NEUROG1: variants seen among roughly 807,000 people sequenced by gnomAD.
NEUROG1 encodes neurogenin 1, also known as neurogenin-1.
NEUROG1 carries 5 observed loss-of-function variants against 5.7 expected under a neutral mutation model. That is an observed-to-expected ratio of 0.88 (90% confidence interval 0.46 to 1.85). The LOEUF (loss-of-function observed/expected upper bound fraction) is 1.85. Ranked by LOEUF, NEUROG1 falls within the 40% of genes most tolerant of loss-of-function variation. NEUROG1 has a pLI of 0.01. For missense variants in NEUROG1, 403 were observed against 345.7 expected, an observed-to-expected ratio of 1.17 and a Z score of -1.32; for synonymous variants, 196 against 157.4, an observed-to-expected ratio of 1.25 and a Z score of -1.84.
chr5:135,535,309 G>C lies in NEUROG1; in HGVS notation c.382C>G (p.Leu128Val), dbSNP rs1182445680. ...VLPSFPDDTKLTKIETLRFAY... is the reference protein window; with the variant it reads ...VLPSFPDDTKVTKIETLRFAY... ...AAGCGCAGCGTCTCGATTTTGGTGA[G>C]CTTGGTGTCGTCGGGGAACGAGGGC... The change falls in exon 1 of 1, where the codon CTC becomes GTC. Residue 128 changes from leucine to valine, a missense_variant. By Grantham distance (32) the Leu-to-Val change is conservative. Coordinates refer to ENST00000314744, the MANE Select transcript of NEUROG1 (RefSeq NM_006161.3). The C allele has an allele frequency of 1.2e-6, 2 of 1,613,650 alleles. No homozygotes were observed. The highest frequency in any genetic ancestry group is 1.7e-6 in the Non-Finnish European group (2 of 1,179,692).
rs542575544 is a variant in NEUROG1, at chr5:135,535,607, G to A, written c.84C>T (p.Asp28=). ...GTTGGAGTCTGGCACAGTCTTCCTCGTCGGTGAGGAAGCCGGATAGGTCAC... is the reference window on the plus strand; with the variant it reads ...GTTGGAGTCTGGCACAGTCTTCCTCATCGGTGAGGAAGCCGGATAGGTCAC... The part of the protein sequence containing the change: ...SGSDLSGFLT[D]EEDCARLQQA... The change falls in exon 1 of 1, where the codon GAC becomes GAT. Residue 28 remains aspartate, a synonymous_variant. Coordinates refer to ENST00000314744, the MANE Select transcript of NEUROG1 (RefSeq NM_006161.3). 247 of 1,595,468 alleles carry A rather than the reference G, an allele frequency of 1.5e-4. 2 individuals are homozygous for A. In the South Asian group the frequency reaches 2.5e-3, roughly 16 times the overall value.
chr5:135,535,591 T>C lies in NEUROG1; in HGVS notation c.100A>G (p.Arg34Gly), dbSNP rs1750523800. 15 of 1,592,172 alleles carry C rather than the reference T, an allele frequency of 9.4e-6. No individual in the cohort carries two copies. Among genetic ancestry groups the C allele is most frequent in the Non-Finnish European group, 1.3e-5 (15 of 1,175,394 alleles). Residue 34 changes from arginine (R) to glycine (G), a missense_variant, in exon 1 of 1, where the codon AGA becomes GGA. Physicochemically the swap from Arg to Gly is moderately radical, Grantham distance 125. Coordinates refer to ENST00000314744, the MANE Select transcript of NEUROG1 (RefSeq NM_006161.3). ...GAAGCGGAGGCTGCCTGTTGGAGTCTGGCACAGTCTTCCTCGTCGGTGAGG... is the reference window on the plus strand; with the variant it reads ...GAAGCGGAGGCTGCCTGTTGGAGTCCGGCACAGTCTTCCTCGTCGGTGAGG... ...GFLTDEEDCA[R>G]LQQAASASGP...
Position 135,535,644 on chromosome 5 carries a change from C to T in NEUROG1, c.47G>A (p.Ser16Asn), listed in dbSNP as rs769834223. 1 of 1,585,338 alleles carries T rather than the reference C, an allele frequency of 6.3e-7. No homozygotes were observed. The highest frequency in any genetic ancestry group is 1.1e-5 in the South Asian group (1 of 87,430). ...ETCISDLDCA[S>N]SSGSDLSGFL... ...GCCGGATAGGTCACTGCCGCTGCTG[C>T]TGGCGCAGTCGAGGTCGGAGATGCA... The change falls in exon 1 of 1, where the codon AGC (serine) becomes AAC (asparagine). Residue 16 changes from serine (S) to asparagine (N), a missense_variant. Physicochemically the swap from Ser to Asn is conservative, Grantham distance 46. Transcript: ENST00000314744.
rs1458523114 is a variant in NEUROG1 at position 135,535,773 on chromosome 5, G to A, written c.-83C>T. On this transcript the variant is annotated 5_prime_UTR_variant, in exon 1 of 1. Transcript: ENST00000314744. Reference sequence around the variant, plus strand: ...GGACTGAGGGCAGAGCCGCCAGGGCGCACTTACGTTCCCAACAGCCTGGGG... The same window carrying A: ...GGACTGAGGGCAGAGCCGCCAGGGCACACTTACGTTCCCAACAGCCTGGGG... 4 of 1,298,420 alleles carry A rather than the reference G, an allele frequency of 3.1e-6. No individual in the cohort carries two copies. The East Asian group carries it at 7.9e-5, about 26-fold the overall frequency. The allele number at this position is 1,298,420 out of a possible 1,614,324, so 80.4% of individuals were successfully genotyped here.
rs755236120 is a variant in NEUROG1, at chr5:135,534,983, G to T, written c.708C>A (p.Tyr236Ter). The T allele has an allele frequency of 1.2e-6, 2 of 1,613,434 alleles. No individual in the cohort carries two copies. Among genetic ancestry groups the T allele is most frequent in the Non-Finnish European group, 1.7e-6 (2 of 1,179,750 alleles). ...AACAGTGTCTACAAAGGGCCTAGTG[G>T]TAAGGAATGAAACAGGGCGTTGTGT... Reference protein sequence around the residue: ...LLHTTPCFIPYH With the variant: ...LLHTTPCFIP Residue 236 changes from tyrosine to a stop codon, truncating the protein, a stop_gained, in exon 1 of 1, where the codon TAC becomes TAA. Coordinates refer to ENST00000314744, the MANE Select transcript of NEUROG1 (RefSeq NM_006161.3). LOFTEE classifies it high-confidence loss of function.
rs779980026 is a variant in NEUROG1, at chr5:135,535,253, C to G, written c.438G>C (p.Glu146Asp). Residue 146 changes from glutamate to aspartate, a missense_variant, in exon 1 of 1, where the codon GAG becomes GAC. Transcript: ENST00000314744. ...GCCCTTGATCCGCCAGGCGCAGTGT[C>G]TCGGCCAGAGCCCAGATGTAGTTGT... ...FAYNYIWALA[E>D]TLRLADQGLP... 6.2e-7 allele frequency: 1 copy of G among 1,613,316 alleles called. No homozygotes were observed. The highest frequency in any genetic ancestry group is 8.5e-7 in the Non-Finnish European group (1 of 1,179,646).
In NEUROG1 at chr5:135,535,411, G is replaced by A; in HGVS notation, c.280C>T (p.Arg94Cys). The change falls in exon 1 of 1, where the codon CGC (arginine) becomes TGC (cysteine). Residue 94 changes from arginine (R) to cysteine (C), a missense_variant. Coordinates refer to ENST00000314744, the MANE Select transcript of NEUROG1 (RefSeq NM_006161.3). ...CGCTCGCGATCGTTGGCCTTGACGC[G>A]CCGGCTCCTGCGCAGCGAGTGCAGC... Reference protein sequence around the residue: ...ALLHSLRRSRRVKANDRERNR... With the variant: ...ALLHSLRRSRCVKANDRERNR... 2 of 1,600,964 alleles carry A rather than the reference G, an allele frequency of 1.2e-6. No homozygotes were observed. Among genetic ancestry groups the A allele is most frequent in the East Asian group, 2.3e-5 (1 of 44,234 alleles).
chr5:135,535,583 T>A lies in NEUROG1; in HGVS notation c.108A>T (p.Gln36His). ...LTDEEDCARL[Q>H]QAASASGPPA... is the part of the protein sequence containing the mutation. The stretch of plus-strand genomic sequence containing the variant: ...GCGGCCCCGAAGCGGAGGCTGCCTG[T>A]TGGAGTCTGGCACAGTCTTCCTCGT... Residue 36 changes from glutamine (Q) to histidine (H), a missense_variant, in exon 1 of 1, where the codon CAA becomes CAT. Gln to His is a conservative substitution (Grantham distance 24, BLOSUM62 0). Coordinates refer to ENST00000314744, the MANE Select transcript of NEUROG1 (RefSeq NM_006161.3). 1 of 1,590,232 alleles carries A rather than the reference T, an allele frequency of 6.3e-7. No individual in the cohort carries two copies. Among genetic ancestry groups the A allele is most frequent in the Non-Finnish European group, 8.5e-7 (1 of 1,174,606 alleles).
chr5:135,535,648 C>G lies in NEUROG1; in HGVS notation c.43G>C (p.Ala15Pro). The G allele has an allele frequency of 1.3e-6, 2 of 1,583,400 alleles. No individual in the cohort carries two copies. The highest frequency in any genetic ancestry group is 1.7e-6 in the Non-Finnish European group (2 of 1,169,814). ...LETCISDLDC[A>P]SSSGSDLSGF... Reference sequence around the variant, plus strand: ...GATAGGTCACTGCCGCTGCTGCTGGCGCAGTCGAGGTCGGAGATGCAGGTC... The same window carrying G: ...GATAGGTCACTGCCGCTGCTGCTGGGGCAGTCGAGGTCGGAGATGCAGGTC... Residue 15 changes from alanine (A) to proline (P), a missense_variant, in exon 1 of 1, where the codon GCC becomes CCC. Coordinates refer to ENST00000314744, the MANE Select transcript of NEUROG1 (RefSeq NM_006161.3).
In NEUROG1 at chr5:135,535,270, TGTA is replaced by T; in HGVS notation, c.418_420del (p.Tyr140del). On this transcript the variant is annotated inframe_deletion, in exon 1 of 1. Transcript: ENST00000314744. ...CGCAGTGTCTCGGCCAGAGCCCAGA[TGTA>T]GTTGTAGGCGAAGCGCAGCGTCTCG... The T allele has an allele frequency of 6.8e-6, 11 of 1,613,312 alleles. No individual in the cohort carries two copies. The highest frequency in any genetic ancestry group is 9.3e-6 in the Non-Finnish European group (11 of 1,179,612).
Position 135,535,830 on chromosome 5 carries a change from G to C in NEUROG1, c.-140C>G. On this transcript the variant is annotated 5_prime_UTR_variant, in exon 1 of 1. Coordinates refer to ENST00000314744, the MANE Select transcript of NEUROG1 (RefSeq NM_006161.3). ...CTCTGTGCCAGTTGCGGGTGCGAGA[G>C]CCTGGAAGGGTGCAGGGGCGCACGG... is the stretch of plus-strand genomic sequence containing the variant. The C allele has an allele frequency of 1.3e-6, 1 of 793,490 alleles. No homozygotes were observed. The highest frequency in any genetic ancestry group is 1.9e-6 in the Non-Finnish European group (1 of 526,888). The allele number at this position is 793,490 out of a possible 1,614,324, so 49.2% of individuals were successfully genotyped here. A position where few individuals can be genotyped will look rare whatever the true frequency, so the allele number is the denominator to read the frequency against.
rs1750506464 is a variant in NEUROG1, at chr5:135,535,117, C to T, written c.574G>A (p.Ala192Thr). Reference protein sequence around the residue: ...DAESWGSGAAAASPLSDPSSP... With the variant: ...DAESWGSGAATASPLSDPSSP... ...CTGGGGTCAGAGAGCGGGGAGGCGG[C>T]GGCGGCACCTGAGCCCCAGGACTCC... Residue 192 changes from alanine to threonine, a missense_variant, in exon 1 of 1, where the codon GCC (alanine) becomes ACC (threonine). Ala to Thr is a moderately conservative substitution (Grantham distance 58). Transcript: ENST00000314744. The T allele has an allele frequency of 1.2e-6, 2 of 1,609,454 alleles. No individual in the cohort carries two copies. Among genetic ancestry groups the T allele is most frequent in the African/African-American group, 1.3e-5 (1 of 74,708 alleles).
rs531365523 is a variant in NEUROG1 at position 135,535,850 on chromosome 5, G to A, written c.-160C>T. ...CGAGAGCCTGGAAGGGTGCAGGGGC[G>A]CACGGAGAACTTGGCCTGGCCTCCT... On this transcript the variant is annotated 5_prime_UTR_variant, in exon 1 of 1. Coordinates refer to ENST00000314744, the MANE Select transcript of NEUROG1 (RefSeq NM_006161.3). The A allele has an allele frequency of 1.6e-6, 1 of 631,344 alleles. No individual in the cohort carries two copies. Among genetic ancestry groups the A allele is most frequent in the Non-Finnish European group, 2.5e-6 (1 of 397,638 alleles). 39.1% of individuals were successfully genotyped at this position (631,344 alleles called of 1,614,324 possible).
rs759309294 is a variant in NEUROG1, at chr5:135,534,931, G to A, written c.*46C>T. The A allele has an allele frequency of 6.3e-7, 1 of 1,577,460 alleles. No homozygotes were observed. On this transcript the variant is annotated 3_prime_UTR_variant, in exon 1 of 1. Coordinates refer to ENST00000314744, the MANE Select transcript of NEUROG1 (RefSeq NM_006161.3). ...GGCGGCAGCTGGGGCCCCATCTATT[G>A]CCTGCTGACTAGGGGAGGGGGAAAG...
Position 135,535,668 on chromosome 5 carries a change from C to T in NEUROG1, c.23G>A (p.Cys8Tyr). Residue 8 changes from cysteine to tyrosine, a missense_variant, in exon 1 of 1, where the codon TGC becomes TAC. Physicochemically the swap from Cys to Tyr is radical, Grantham distance 194. Coordinates refer to ENST00000314744, the MANE Select transcript of NEUROG1 (RefSeq NM_006161.3). MPARLET[C>Y]ISDLDCASSS... ...GCTGGCGCAGTCGAGGTCGGAGATG[C>T]AGGTCTCAAGGCGGGCTGGCATCGT... is the stretch of plus-strand genomic sequence containing the variant. 1.3e-6 allele frequency: 2 copies of T among 1,572,854 alleles called. No homozygotes were observed. Among genetic ancestry groups the T allele is most frequent in the Admixed American group, 3.7e-5 (2 of 53,498 alleles).
chr5:135,535,117 C>A lies in NEUROG1; in HGVS notation c.574G>T (p.Ala192Ser). The A allele has an allele frequency of 6.2e-7, 1 of 1,609,570 alleles. No individual in the cohort carries two copies. Among genetic ancestry groups the A allele is most frequent in the Non-Finnish European group, 8.5e-7 (1 of 1,178,250 alleles). Residue 192 changes from alanine (A) to serine (S), a missense_variant, in exon 1 of 1, where the codon GCC (alanine) becomes TCC (serine). Transcript: ENST00000314744. ...CTGGGGTCAGAGAGCGGGGAGGCGGCGGCGGCACCTGAGCCCCAGGACTCC... is the reference window on the plus strand; with the variant it reads ...CTGGGGTCAGAGAGCGGGGAGGCGGAGGCGGCACCTGAGCCCCAGGACTCC... ...DAESWGSGAA[A>S]ASPLSDPSSP...
chr5:135,534,702 G>A lies in NEUROG1; in HGVS notation c.*275C>T. ...GGTGGCTGGGGTCAGTTCTGAGCCA[G>A]TCACAAAGGAGGTTTTGTGGAGTTC... On this transcript the variant is annotated 3_prime_UTR_variant, in exon 1 of 1. Transcript: ENST00000314744. The A allele has an allele frequency of 2.2e-6, 1 of 458,470 alleles. No homozygotes were observed. Among genetic ancestry groups the A allele is most frequent in the Non-Finnish European group, 3.8e-6 (1 of 260,444 alleles). The allele number at this position is 458,470 out of a possible 1,614,324, so 28.4% of individuals were successfully genotyped here.
Position 135,535,082 on chromosome 5 carries a change from G to T in NEUROG1, c.609C>A (p.Ala203=), listed in dbSNP as rs1277764963. 10 of 1,613,546 alleles carry T rather than the reference G, an allele frequency of 6.2e-6. No individual in the cohort carries two copies. Among genetic ancestry groups the T allele is most frequent in the Non-Finnish European group, 7.6e-6 (9 of 1,179,854 alleles). ...GGCGGTAGGTGAAGTCTTCGGAGGC[G>T]GCTGGGCTACTGGGGTCAGAGAGCG... ...ASPLSDPSSP[A]ASEDFTYRPG... The change falls in exon 1 of 1, where the codon GCC becomes GCA. Residue 203 remains alanine (A), a synonymous_variant. Coordinates refer to ENST00000314744, the MANE Select transcript of NEUROG1 (RefSeq NM_006161.3).
chr5:135,534,911 C>T lies in NEUROG1; in HGVS notation c.*66G>A. On this transcript the variant is annotated 3_prime_UTR_variant, in exon 1 of 1. Coordinates refer to ENST00000314744, the MANE Select transcript of NEUROG1 (RefSeq NM_006161.3). Reference sequence around the variant, plus strand: ...GCCTGGAGAGGGGGTCCCGAGGCGGCAGCTGGGGCCCCATCTATTGCCTGC... The same window carrying T: ...GCCTGGAGAGGGGGTCCCGAGGCGGTAGCTGGGGCCCCATCTATTGCCTGC... The T allele has an allele frequency of 1.3e-6, 2 of 1,504,332 alleles. No homozygotes were observed. The highest frequency in any genetic ancestry group is 1.8e-6 in the Non-Finnish European group (2 of 1,115,820). 93.2% of individuals were successfully genotyped at this position (1,504,332 alleles called of 1,614,324 possible). A position where few individuals can be genotyped will look rare whatever the true frequency, so the allele number is the denominator to read the frequency against.
Sources: allele counts gnomAD v4.1 joint callset, GRCh38; gene constraint gnomAD v4.1.1; transcripts MANE v1.5; gene names NCBI Gene and HGNC (gene_info 2026-07-23, HGNC 2026-07-21).